Variants in NAV2 observed in about 807,000 individuals in gnomAD.
NAV2 encodes helicase, APC down-regulated 1.
NAV2 carries 54 observed loss-of-function variants against 223.2 expected under a neutral mutation model. That is an observed-to-expected ratio of 0.24 (90% CI 0.19 to 0.30). NAV2 has a LOEUF of 0.30. NAV2 is among the 10% of genes least tolerant of loss of function. The probability of loss-of-function intolerance (pLI) is 1.00; values close to 1 mark genes in which losing one functional copy is unlikely to be tolerated. For missense variants in NAV2, 2,806 were observed against 3,147.5 expected, an observed-to-expected ratio of 0.89 and a Z score of 2.60; for synonymous variants, 1,279 against 1,239.3, an observed-to-expected ratio of 1.03 and a Z score of -0.67.
chr11:19,757,535 A>C (rs997530085), intron 1 of NAV2, among the ~76,000 whole-genome samples: 2 of 152,158 alleles, frequency 1.3e-5, no homozygotes, highest in African/African-American at 4.8e-5. Context: ...ACCTCTCTGA[A>C]CACCAGTTTT....
intron 1 of NAV2, among the ~76,000 whole-genome samples, chr11:19,698,994 C>A (rs530454385): frequency 3.9e-5 from 6 of 152,276 alleles, no homozygotes; most frequent in Admixed American, 3.9e-4. Flanking sequence ...GCTACTTTTG[C>A]AGTTGTTCCA....
intron 12 of NAV2, 149 bp downstream of exon 12, chr11:20,036,246 C>T: frequency 1.1e-6 from 1 of 882,450 alleles, no homozygotes; most frequent in Non-Finnish European, 1.7e-6. Flanking sequence ...GCTCTCACCT[C>T]CTGACCCTGA....
intron 12 of NAV2, among the ~76,000 whole-genome samples, chr11:20,039,430 T>C (rs72906460): frequency 0.11 from 17,084 of 152,000 alleles, 1,019 homozygotes; most frequent in East Asian, 0.23. Flanking sequence ...TATCTCTCCC[T>C]CCCTTCCTCC....
chr11:19,391,076 C>T (rs897672301), intron 1 of NAV2, among the ~76,000 whole-genome samples: 1 of 152,064 alleles, frequency 6.6e-6, no homozygotes. Flanking sequence ...AATGAGGGGC[C>T]CAGCATTTCA....
intron 1 of NAV2, among the ~76,000 whole-genome samples, chr11:19,797,732 C>G (rs929418714): frequency 6.6e-6 from 1 of 152,142 alleles, no homozygotes; most frequent in African/African-American, 2.4e-5. Flanking sequence ...TACTCTGCCA[C>G]TCTGTGTGGG....
chr11:19,863,788 C>T (rs566142311), intron 3 of NAV2, among the ~76,000 whole-genome samples: 9 of 152,274 alleles, frequency 5.9e-5, no homozygotes, highest in African/African-American at 2.2e-4. Flanking sequence ...GGTTTCCCTG[C>T]GTTCGACTGT....
At chr11:19,419,045 A>G (rs1275597459) in intron 1 of NAV2, among the ~76,000 whole-genome samples, 3 of 152,138 alleles carry the variant, frequency 2.0e-5, no homozygotes, top group African/African-American at 4.8e-5. Flanking sequence ...ACAGACCTGT[A>G]TATATGTGAT....
At chr11:19,655,443 G>A (rs975102727) in intron 1 of NAV2, among the ~76,000 whole-genome samples, 8 of 152,004 alleles carry the variant, frequency 5.3e-5, no homozygotes, top group South Asian at 2.1e-4. Context: ...ACATGCAGAC[G>A]TATGTTTATT....
chr11:19,556,671 G>A (rs957745822), intron 1 of NAV2, among the ~76,000 whole-genome samples: 13 of 152,110 alleles, frequency 8.5e-5, no homozygotes, highest in Non-Finnish European at 1.9e-4. Context: ...TAAGTAACAC[G>A]ATCTAGCAGA....
At position 19,366,173 on chromosome 11, in the gene NAV2, G is replaced by T. The variant is rs141837299; in HGVS notation, c.75+15146G>T. ...CTGAGCCAGCATGATGGGCCCAGCTGGGGTGAGGAGTGAGCAGTCATTAGG... is the reference window on the plus strand; with the variant it reads ...CTGAGCCAGCATGATGGGCCCAGCTTGGGTGAGGAGTGAGCAGTCATTAGG... On this transcript the variant is annotated intron_variant, in intron 1 of 37. Transcript: ENST00000360655. Among the ~76,000 whole-genome samples, 979 of 152,332 alleles carry T rather than the reference G, an allele frequency of 6.4e-3. 7 individuals carry two copies. The highest frequency in any genetic ancestry group is 9.3e-3 in the Non-Finnish European group (633 of 68,016).
In NAV2 at chr11:20,062,930, T is replaced by A. The variant is rs527564485; in HGVS notation, c.4884+571T>A. The stretch of plus-strand genomic sequence containing the variant: ...GGCTGGTCTCAAACTCCTGACCTTG[T>A]GATCCACCCACCTCGGCCTCCCAAA... On this transcript the variant is annotated intron_variant, in intron 20 of 37. Coordinates refer to ENST00000349880, the MANE Select transcript of NAV2 (RefSeq NM_145117.5). 2.0e-5 allele frequency among the ~76,000 whole-genome samples: 3 copies of A among 152,326 alleles called. No individual in the cohort carries two copies. The South Asian group carries it at 6.2e-4, about 32-fold the overall frequency.
chr11:20,078,198 C>G, intron 24 of NAV2, 94 bp downstream of exon 24: 1 of 888,600 alleles, frequency 1.1e-6, no homozygotes, highest in African/African-American at 1.7e-5. Context: ...TGCTAGAAGA[C>G]AGTGTCTGCG....
intron 1 of NAV2, among the ~76,000 whole-genome samples, chr11:19,598,041 T>G (rs1487209): frequency 6.6e-6 from 1 of 152,248 alleles, no homozygotes; most frequent in African/African-American, 2.4e-5. Context: ...CATGCCCTTC[T>G]GCTGCCCTGG....
chr11:19,854,610 C>T (rs1215277794), intron 3 of NAV2, among the ~76,000 whole-genome samples: 2 of 152,104 alleles, frequency 1.3e-5, no homozygotes, highest in African/African-American at 2.4e-5. Context: ...TCATTTGTTA[C>T]CTGCCTATCC....
chr11:19,406,633 C>T (rs901431457), intron 1 of NAV2, among the ~76,000 whole-genome samples: 1 of 152,072 alleles, frequency 6.6e-6, no homozygotes, highest in Non-Finnish European at 1.5e-5. Context: ...CCTCTTTCCC[C>T]TCATCCAGCC....
At chr11:19,644,379 T>C (rs1590025695) in intron 1 of NAV2, among the ~76,000 whole-genome samples, 1 of 152,250 alleles carries the variant, frequency 6.6e-6, no homozygotes, top group East Asian at 1.9e-4. Context: ...TTTTTTGGTA[T>C]TGGCTGTTGC....
At chr11:19,910,578 G>C (rs2043221195) in intron 6 of NAV2, among the ~76,000 whole-genome samples, 2 of 152,242 alleles carry the variant, frequency 1.3e-5, no homozygotes, top group Admixed American at 6.5e-5. Flanking sequence ...AACATAACTA[G>C]CCAGGCGCGG....
At chr11:19,881,627 C>T (rs1189372496) in intron 5 of NAV2, among the ~76,000 whole-genome samples, 1 of 152,166 alleles carries the variant, frequency 6.6e-6, no homozygotes, top group Non-Finnish European at 1.5e-5. Context: ...GGTATTAAGC[C>T]TCCCACATGC....
At chr11:19,999,430 G>A (rs544020883) in intron 11 of NAV2, among the ~76,000 whole-genome samples, 32 of 152,294 alleles carry the variant, frequency 2.1e-4, no homozygotes, top group Middle Eastern at 3.4e-3. Context: ...GCACAATGGC[G>A]CAATCTCAGC....
Sources: gnomAD v4.1 joint callset for allele counts (sites outside exome capture counted in the v4.1 genomes callset) on GRCh38, gnomAD v4.1.1 for gene constraint, MANE v1.5 for transcripts, NCBI Gene and HGNC (gene_info 2026-07-23, HGNC 2026-07-21) for gene names.